The following ZCCHC8 variants were observed in gnomAD, a reference collection of about 807,000 sequenced individuals.
ZCCHC8 encodes the protein zinc finger CCHC domain-containing protein 8.
ZCCHC8 carries 27 observed loss-of-function variants against 70.6 expected under a neutral mutation model. The ratio of observed to expected loss-of-function variants is 0.38; its 90% CI spans 0.28 to 0.53. The LOEUF (loss-of-function observed/expected upper bound fraction) is 0.53. ZCCHC8 is among the 20% of genes least tolerant of loss of function. The pLI, the probability that ZCCHC8 is intolerant of heterozygous loss-of-function variation, is 0.81. For synonymous variants in ZCCHC8, 293 were observed against 317.4 expected (o/e 0.92, Z 0.82); for missense variants, 737 against 876.9 (o/e 0.84, Z 2.01).
intron 5 of ZCCHC8, among the ~76,000 whole-genome samples, chr12:122,486,539 A>G (rs547133289): frequency 1.1e-4 from 16 of 151,930 alleles, no homozygotes; most frequent in African/African-American, 3.9e-4. Context: ...CACAACCTAC[A>G]GATTCAGACC....
chr12:122,481,848 G>A (rs1957542015), intron 9 of ZCCHC8, 97 bp downstream of exon 9: 3 of 1,462,968 alleles, frequency 2.1e-6, no homozygotes, highest in Non-Finnish European at 2.7e-6. Context: ...CTTTGCCAGA[G>A]TACACTTATA....
chr12:122,490,203 T>TA (rs1051525958), intron 4 of ZCCHC8, among the ~76,000 whole-genome samples: 3 of 152,184 alleles, frequency 2.0e-5, no homozygotes, highest in Non-Finnish European at 4.4e-5. Context: ...CCCAGAAACT[T>TA]AGATTTTTTT....
Position 122,480,327 on chromosome 12 carries a change from A to T in ZCCHC8, c.1019-16T>A, listed in dbSNP as rs749902272. On this transcript the variant is annotated splice_polypyrimidine_tract_variant and intron_variant, in intron 10 of 13. Transcript: ENST00000633063. ...TCAGTGCCATCTATTACAGACCATA[A>T]AAAGTGTTAATATTGCTAAATGTCA... 17 of 1,597,182 alleles carry T rather than the reference A, an allele frequency of 1.1e-5. No homozygotes were observed. Among genetic ancestry groups the T allele is most frequent in the Non-Finnish European group, 1.2e-5 (14 of 1,171,612 alleles).
At chr12:122,497,592 C>A (rs1957846018) in intron 2 of ZCCHC8, among the ~76,000 whole-genome samples, 1 of 152,104 alleles carries the variant, frequency 6.6e-6, no homozygotes, top group African/African-American at 2.4e-5. Context: ...TACATCATGG[C>A]ACCTCCAAAT....
At chr12:122,494,088 A>T (rs958249832) in intron 2 of ZCCHC8, among the ~76,000 whole-genome samples, 1 of 152,220 alleles carries the variant, frequency 6.6e-6, no homozygotes, top group Admixed American at 6.5e-5. Context: ...ACTTTCAAAT[A>T]CCGCAAAAAA....
Position 122,474,039 on chromosome 12 carries a change from A to G in ZCCHC8, c.1582T>C (p.Trp528Arg), listed in dbSNP as rs758070519. 4 of 1,532,100 alleles carry G rather than the reference A, an allele frequency of 2.6e-6. No homozygotes were observed. The South Asian group carries it at 5.3e-5, about 20-fold the overall frequency. 94.9% of individuals were successfully genotyped at this position (1,532,100 alleles called of 1,614,324 possible). ...EELEEQQRRIWAALEQAESVN... is the reference protein window; with the variant it reads ...EELEEQQRRIRAALEQAESVN... ...CTCTCGGCCTGCTCAAGAGCTGCCCAGATCCGCCTCTGCTGTTCTTCAAGT... is the reference window on the plus strand; with the variant it reads ...CTCTCGGCCTGCTCAAGAGCTGCCCGGATCCGCCTCTGCTGTTCTTCAAGT... Residue 528 changes from tryptophan (W) to arginine (R), a missense_variant, in exon 14 of 14, where the codon TGG becomes CGG. Coordinates refer to ENST00000633063, the MANE Select transcript of ZCCHC8 (RefSeq NM_017612.5).
Position 122,500,436 on chromosome 12 carries a change from GGGAAGA to G in ZCCHC8, c.199+200_199+205del. On this transcript the variant is annotated intron_variant, in intron 1 of 13. Coordinates refer to ENST00000633063, the MANE Select transcript of ZCCHC8 (RefSeq NM_017612.5). This position sits in a 1 kb window ranked among gnomAD's most constrained non-coding sequence, Gnocchi z 4.8. ...CTGGTCAGGAGACGGCCTCCCTGAG[GGGAAGA>G]GGTCTGCGCCGAGGCAGCCTGCGCG... 3.0e-6 allele frequency: 2 copies of G among 659,940 alleles called. No homozygotes were observed. The highest frequency in any genetic ancestry group is 5.0e-6 in the Non-Finnish European group (2 of 398,830). The allele number at this position is 659,940 out of a possible 1,614,324, so 40.9% of individuals were successfully genotyped here. A position where few individuals can be genotyped will look rare whatever the true frequency, so the allele number is the denominator to read the frequency against.
intron 4 of ZCCHC8, 29 bp downstream of exon 4, chr12:122,490,433 A>G (rs1213427402): frequency 1.3e-6 from 2 of 1,552,594 alleles, no homozygotes; most frequent in Non-Finnish European, 1.8e-6. Flanking sequence ...ATAACTTACT[A>G]ATCTTAAAGT....
Position 122,483,101 on chromosome 12 carries a change from C to A in ZCCHC8, c.671+178G>T, listed in dbSNP as rs1263417828. On this transcript the variant is annotated intron_variant, in intron 7 of 13. Transcript: ENST00000633063. This position sits in a 1 kb window ranked among gnomAD's most constrained non-coding sequence, Gnocchi z 4.4. ...ACATTAGGTGAGAACCAATGAATTC[C>A]AGGAAGCAGATGATTCATTTAAACA... 7 of 639,868 alleles carry A rather than the reference C, an allele frequency of 1.1e-5. No homozygotes were observed. The highest frequency in any genetic ancestry group is 9.2e-5 in the African/African-American group (5 of 54,516). The allele number at this position is 639,868 out of a possible 1,614,324, so 39.6% of individuals were successfully genotyped here. A position where few individuals can be genotyped will look rare whatever the true frequency, so the allele number is the denominator to read the frequency against.
chr12:122,481,677 AAAG>A lies in ZCCHC8; in HGVS notation c.876-16_876-14del, dbSNP rs1367645053. The A allele has an allele frequency of 6.2e-7, 1 of 1,607,378 alleles. No homozygotes were observed. The highest frequency in any genetic ancestry group is 8.5e-7 in the Non-Finnish European group (1 of 1,177,756). On this transcript the variant is annotated splice_polypyrimidine_tract_variant and intron_variant, in intron 9 of 13. Coordinates refer to ENST00000633063, the MANE Select transcript of ZCCHC8 (RefSeq NM_017612.5). ...TTGAAGTTCCTCACTAAGTAAAAAT[AAAG>A]GAGGAAGAAAAATACTGAATTCTTA...
chr12:122,472,003 T>C lies in ZCCHC8; in HGVS notation c.*1494A>G, dbSNP rs79862769. The C allele has an allele frequency of 3.2e-3, 488 of 152,020 alleles. 3 individuals are homozygous for C. The highest frequency in any genetic ancestry group is 0.011 in the African/African-American group (468 of 41,310). 9.4% of individuals were successfully genotyped at this position (152,020 alleles called of 1,614,324 possible). Reference sequence around the variant, plus strand: ...TTAAAAGCAGTATGTTTATGTTTAATTTTTAATTTTTAACTATTAGGGTTC... The same window carrying C: ...TTAAAAGCAGTATGTTTATGTTTAACTTTTAATTTTTAACTATTAGGGTTC... On this transcript the variant is annotated 3_prime_UTR_variant, in exon 14 of 14. Transcript: ENST00000633063.
chr12:122,473,613 T>G lies in ZCCHC8; in HGVS notation c.2008A>C (p.Ile670Leu). Residue 670 changes from isoleucine to leucine, a missense_variant, in exon 14 of 14, where the codon ATC becomes CTC. Transcript: ENST00000633063. ...ATATTCTCAAATTCAAATGGCGTGA[T>G]TCCAGTTGCAAATTTGCTCATGTCA... ...IPDMSKFATGITPFEFENMAE... is the reference protein window; with the variant it reads ...IPDMSKFATGLTPFEFENMAE... 6.2e-7 allele frequency: 1 copy of G among 1,614,024 alleles called. No homozygotes were observed. The highest frequency in any genetic ancestry group is 8.5e-7 in the Non-Finnish European group (1 of 1,179,902).
chr12:122,500,244 C>T lies in ZCCHC8; in HGVS notation c.199+398G>A, dbSNP rs931476743. 1 of 180,588 alleles carries T rather than the reference C, an allele frequency of 5.5e-6. No homozygotes were observed. The highest frequency in any genetic ancestry group is 1.2e-5 in the Non-Finnish European group (1 of 86,430). The allele number at this position is 180,588 out of a possible 1,614,324, so 11.2% of individuals were successfully genotyped here. A position where few individuals can be genotyped will look rare whatever the true frequency, so the allele number is the denominator to read the frequency against. On this transcript the variant is annotated intron_variant, in intron 1 of 13. Coordinates refer to ENST00000633063, the MANE Select transcript of ZCCHC8 (RefSeq NM_017612.5). This position sits in a 1 kb window ranked among gnomAD's most constrained non-coding sequence, Gnocchi z 4.8. ...CGCGTCTAAGCAGCCGGTATTTCATCACCTACAACTGTAACATGACGGCAC... is the reference window on the plus strand; with the variant it reads ...CGCGTCTAAGCAGCCGGTATTTCATTACCTACAACTGTAACATGACGGCAC...
chr12:122,486,472 A>G (rs1329988921), intron 5 of ZCCHC8, among the ~76,000 whole-genome samples: 1 of 150,840 alleles, frequency 6.6e-6, no homozygotes, highest in Non-Finnish European at 1.5e-5. Context: ...TCTACTTAAA[A>G]CCCTCTATCA....
In ZCCHC8 at chr12:122,480,227, G is replaced by A. The variant is rs1379950075; in HGVS notation, c.1103C>T (p.Pro368Leu). The A allele has an allele frequency of 6.2e-7, 1 of 1,600,114 alleles. No homozygotes were observed. The highest frequency in any genetic ancestry group is 8.5e-7 in the Non-Finnish European group (1 of 1,171,426). The change falls in exon 11 of 14, where the codon CCT becomes CTT. Residue 368 changes from proline (P) to leucine (L), a missense_variant. Transcript: ENST00000633063. ...TYDLSKLVNY[P>L]GFNISTPRGI... The stretch of plus-strand genomic sequence containing the variant: ...TCTGGGAGTAGATATATTAAAACCA[G>A]GATAGTTGACCAATTTTGAGAGATC...
At position 122,483,739 on chromosome 12, in the gene ZCCHC8, G is replaced by A; in HGVS notation, c.502-176C>T. ...TGTGTAAGTAGAAACTACATCGTCA[G>A]TTCCCTCTCTCTGCTAGATCAGTTT... On this transcript the variant is annotated intron_variant, in intron 5 of 13. Transcript: ENST00000633063. The surrounding 1 kb of genome is among the most constrained non-coding windows in gnomAD (Gnocchi z 4.4). 1 of 595,502 alleles carries A rather than the reference G, an allele frequency of 1.7e-6. No individual in the cohort carries two copies. The highest frequency in any genetic ancestry group is 3.0e-5 in the Admixed American group (1 of 33,108). 36.9% of individuals were successfully genotyped at this position (595,502 alleles called of 1,614,324 possible).
chr12:122,491,189 T>C (rs1566300885), intron 3 of ZCCHC8: 1 of 152,300 alleles, frequency 6.6e-6, no homozygotes, highest in Non-Finnish European at 1.5e-5. Flanking sequence ...AGCCCAAGCC[T>C]TATTACCATG....
chr12:122,483,424 G>A lies in ZCCHC8; in HGVS notation c.605+36C>T. 6.4e-7 allele frequency: 1 copy of A among 1,570,742 alleles called. No individual in the cohort carries two copies. The highest frequency in any genetic ancestry group is 1.3e-5 in the African/African-American group (1 of 74,200). On this transcript the variant is annotated intron_variant, in intron 6 of 13. Coordinates refer to ENST00000633063, the MANE Select transcript of ZCCHC8 (RefSeq NM_017612.5). The surrounding 1 kb of genome is among the most constrained non-coding windows in gnomAD (Gnocchi z 4.4). ...GTTTTAAAGGTGAACTTAGTGGCAAGATGCATAAAAGATCTTCATTCACTA... is the reference window on the plus strand; with the variant it reads ...GTTTTAAAGGTGAACTTAGTGGCAAAATGCATAAAAGATCTTCATTCACTA...
intron 5 of ZCCHC8, among the ~76,000 whole-genome samples, chr12:122,487,522 G>A (rs1434289760): frequency 6.6e-6 from 1 of 152,124 alleles, no homozygotes; most frequent in Non-Finnish European, 1.5e-5. Flanking sequence ...TTTTATGAAT[G>A]AGAAGTGCCA....
Sources: allele counts gnomAD v4.1 joint callset (sites outside exome capture counted in the v4.1 genomes callset), GRCh38; gene constraint gnomAD v4.1.1; non-coding constraint Gnocchi (gnomAD v3.1); transcripts MANE v1.5; gene names NCBI Gene and HGNC (gene_info 2026-07-23, HGNC 2026-07-21).